Variants in AGMO observed in about 807,000 individuals in gnomAD.
AGMO encodes the protein alkylglycerol monooxygenase.
In AGMO, 75 loss-of-function variants were observed where a neutral mutation model predicts 60.2. The ratio of observed to expected loss-of-function variants is 1.25; its 90% CI spans 1.03 to 1.51. AGMO has a LOEUF of 1.51. Ranked by LOEUF, AGMO falls within the 40% of genes most tolerant of loss-of-function variation. The pLI is 0.00. For synonymous variants in AGMO, 261 were observed against 177.1 expected (o/e 1.47, Z -3.76); for missense variants, 763 against 525.5 (o/e 1.45, Z -4.42).
At chr7:15,453,100 C>T (rs1562515096) in intron 3 of AGMO, among the ~76,000 whole-genome samples, 1 of 152,040 alleles carries the variant, frequency 6.6e-6, no homozygotes, top group Admixed American at 6.6e-5. Flanking sequence ...TGCTAATGGG[C>T]ACCAGATCTC....
At chr7:15,536,924 G>T (rs1450971080) in intron 3 of AGMO, among the ~76,000 whole-genome samples, 4 of 150,484 alleles carry the variant, frequency 2.7e-5, no homozygotes, top group African/African-American at 7.3e-5. Context: ...CTTTTTTTTT[G>T]GTCTAAAATG....
At chr7:15,356,313 G>A (rs1288619811) in intron 12 of AGMO, among the ~76,000 whole-genome samples, 1 of 152,098 alleles carries the variant, frequency 6.6e-6, no homozygotes, top group Non-Finnish European at 1.5e-5. Context: ...AGAATAGACA[G>A]ATATGTATAG....
At chr7:15,222,561 T>C (rs557312179) in intron 12 of AGMO, among the ~76,000 whole-genome samples, 1 of 152,168 alleles carries the variant, frequency 6.6e-6, no homozygotes, top group Admixed American at 6.6e-5. Flanking sequence ...TTAGCAACCA[T>C]ACCTGTATAT....
chr7:15,479,862 G>T (rs1354046162), intron 3 of AGMO, among the ~76,000 whole-genome samples: 1 of 152,142 alleles, frequency 6.6e-6, no homozygotes, highest in Non-Finnish European at 1.5e-5. Flanking sequence ...TGAGAGCTCA[G>T]TAACGGCTAG....
intron 12 of AGMO, among the ~76,000 whole-genome samples, chr7:15,354,425 C>CGTGTGTGTAT (rs1183602241): frequency 1.3e-4 from 3 of 23,190 alleles, no homozygotes; most frequent in Non-Finnish European, 1.9e-4. Context: ...TGTGTATACA[C>CGTGTGTGTAT]ACACGTGTGT....
Position 15,201,223 on chromosome 7 carries a change from A to G in AGMO, c.*62T>C. ...TTACATAAAATAATTACATTTTAAT[A>G]TGCAGTCATAATATGCGTGTGGACA... On this transcript the variant is annotated 3_prime_UTR_variant, in exon 13 of 13. Transcript: ENST00000342526. 1 of 1,019,290 alleles carries G rather than the reference A, an allele frequency of 9.8e-7. No individual in the cohort carries two copies. The highest frequency in any genetic ancestry group is 1.4e-6 in the Non-Finnish European group (1 of 692,574). 63.1% of individuals were successfully genotyped at this position (1,019,290 alleles called of 1,614,324 possible). A position where few individuals can be genotyped will look rare whatever the true frequency, so the allele number is the denominator to read the frequency against.
chr7:15,247,457 C>CAGAGAGAGAG lies in AGMO; in HGVS notation c.1264-46099_1264-46098insCTCTCTCTCT, dbSNP rs1264615405. Among the ~76,000 whole-genome samples, 448 of 119,390 alleles carry CAGAGAGAGAG rather than the reference C, an allele frequency of 3.8e-3. 1 individual carries two copies. The highest frequency in any genetic ancestry group is 0.013 in the Middle Eastern group (3 of 228). 78.3% of individuals were successfully genotyped at this position (119,390 alleles called of 152,430 possible). A position where few individuals can be genotyped will look rare whatever the true frequency, so the allele number is the denominator to read the frequency against. On this transcript the variant is annotated intron_variant, in intron 12 of 12. Transcript: ENST00000342526. ...ACACACACACACACACACACACACA[C>CAGAGAGAGAG]ACAGAGAGAGAGAGAGAGAGAGGGA...
At chr7:15,220,000 A>G (rs1781868040) in intron 12 of AGMO, among the ~76,000 whole-genome samples, 1 of 151,880 alleles carries the variant, frequency 6.6e-6, no homozygotes, top group African/African-American at 2.4e-5. Context: ...CTTTTCTTCA[A>G]TCCCACTTCT....
chr7:15,362,002 G>T (rs1344723292), intron 12 of AGMO, among the ~76,000 whole-genome samples: 1 of 152,118 alleles, frequency 6.6e-6, no homozygotes, highest in Non-Finnish European at 1.5e-5. Flanking sequence ...TGATTCTAGT[G>T]ATAGCTTCAA....
intron 10 of AGMO, among the ~76,000 whole-genome samples, chr7:15,383,934 A>G (rs755327159): frequency 2.7e-5 from 4 of 146,342 alleles, no homozygotes; most frequent in South Asian, 4.3e-4. Flanking sequence ...TAGTCCATCT[A>G]TTTTTTTTTT....
At chr7:15,372,591 G>A (rs1167399267) in intron 10 of AGMO, among the ~76,000 whole-genome samples, 1 of 151,916 alleles carries the variant, frequency 6.6e-6, no homozygotes, top group Non-Finnish European at 1.5e-5. Context: ...TACCACCTTA[G>A]TATTTGCCCG....
intron 12 of AGMO, among the ~76,000 whole-genome samples, chr7:15,278,423 G>A (rs1427962066): frequency 2.6e-5 from 4 of 152,046 alleles, no homozygotes. Context: ...GCATGTATGA[G>A]TCCTCAAGGG....
intron 12 of AGMO, among the ~76,000 whole-genome samples, chr7:15,297,057 C>G (rs1406180723): frequency 2.1e-5 from 3 of 144,962 alleles, no homozygotes. Context: ...CTCTCTGTCT[C>G]TCTCTCTCTC....
the AGMO span, among the ~76,000 whole-genome samples, chr7:15,131,323 G>T: frequency 6.6e-6 from 1 of 152,110 alleles, no homozygotes. Context: ...TGTAATGCTA[G>T]TCATCCCTTG....
intron 12 of AGMO, among the ~76,000 whole-genome samples, chr7:15,205,927 C>T (rs1213710278): frequency 6.6e-6 from 1 of 152,046 alleles, no homozygotes; most frequent in Non-Finnish European, 1.5e-5. Flanking sequence ...AGAACTAAAA[C>T]AATCGCAACA....
intron 2 of AGMO, among the ~76,000 whole-genome samples, chr7:15,553,372 G>T (rs957046573): frequency 2.0e-5 from 3 of 151,534 alleles, no homozygotes; most frequent in Non-Finnish European, 4.4e-5. Context: ...AAAAAAGAAA[G>T]ATTAAAACAA....
At chr7:15,446,626 T>C (rs1232048973) in intron 3 of AGMO, among the ~76,000 whole-genome samples, 1 of 152,200 alleles carries the variant, frequency 6.6e-6, no homozygotes, top group Non-Finnish European at 1.5e-5. Flanking sequence ...ACCTCATAAA[T>C]ATCCACCTTA....
intron 3 of AGMO, among the ~76,000 whole-genome samples, chr7:15,492,417 AGACTTTCC>A (rs1783091195): frequency 6.6e-6 from 1 of 151,772 alleles, no homozygotes; most frequent in Non-Finnish European, 1.5e-5. Context: ...AAGAACGTCT[AGACTTTCC>A]GCAGGGCTAT....
At chr7:15,197,165 C>T (rs1439041447), downstream of AGMO, among the ~76,000 whole-genome samples, 1 of 151,760 alleles carries the variant, frequency 6.6e-6, no homozygotes, top group African/African-American at 2.4e-5. Flanking sequence ...TCAAACTAGT[C>T]TGTTTTTTGC....
Sources: gnomAD v4.1 joint callset for allele counts (sites outside exome capture counted in the v4.1 genomes callset) on GRCh38, gnomAD v4.1.1 for gene constraint, MANE v1.5 for transcripts, NCBI Gene and HGNC (gene_info 2026-07-23, HGNC 2026-07-21) for gene names.